PATJ: variants seen among roughly 807,000 people sequenced by gnomAD.
The protein encoded by PATJ is PATJ crumbs cell polarity complex component, also known as inaD-like protein.
PATJ carries 190 observed loss-of-function variants against 224.9 expected under a neutral mutation model. That is an observed-to-expected ratio of 0.84 (90% CI 0.75 to 0.95). The LOEUF (loss-of-function observed/expected upper bound fraction) is 0.95. Among genes scored for constraint, PATJ ranks in the 40% least tolerant of loss-of-function variants. The probability of loss-of-function intolerance (pLI) is 0.00; values close to 1 mark genes in which losing one functional copy is unlikely to be tolerated. For missense variants in PATJ, 2,121 were observed against 2,270.3 expected (o/e 0.93, Z 1.34); for synonymous variants, 769 against 820.3 (o/e 0.94, Z 1.07).
intron 30 of PATJ, among the ~76,000 whole-genome samples, chr1:62,046,642 C>G (rs189837882): frequency 6.6e-6 from 1 of 152,262 alleles, no homozygotes; most frequent in Admixed American, 6.5e-5. Context: ...GAGATCAGTT[C>G]TGTACATGCA....
chr1:62,071,295 T>A (rs1399335310), intron 31 of PATJ, among the ~76,000 whole-genome samples: 2 of 152,188 alleles, frequency 1.3e-5, no homozygotes, highest in Non-Finnish European at 2.9e-5. Context: ...CATAGCCCAA[T>A]TCCATTTACT....
intron 29 of PATJ, among the ~76,000 whole-genome samples, chr1:62,027,602 AT>A (rs1224009654): frequency 7.9e-6 from 1 of 127,388 alleles, no homozygotes; most frequent in Non-Finnish European, 1.7e-5. Context: ...ACAGGTTTTA[AT>A]TTCTTCATAA....
intron 25 of PATJ, 76 bp downstream of exon 25, chr1:61,908,558 A>G (rs926370252): frequency 2.4e-6 from 2 of 842,128 alleles, no homozygotes; most frequent in Non-Finnish European, 3.9e-6. Context: ...GCCTCTAAGT[A>G]TTTTCCACAT....
intron 28 of PATJ, among the ~76,000 whole-genome samples, chr1:62,007,396 A>G (rs781220067): frequency 2.0e-5 from 3 of 152,274 alleles, no homozygotes; most frequent in Admixed American, 1.3e-4. Context: ...GGTCAAGAGC[A>G]TAGAAAGCTC....
At position 61,766,388 on chromosome 1, in the gene PATJ, A is replaced by G. The variant is rs767290853; in HGVS notation, c.299A>G (p.Asn100Ser). ...AATGGAAATGTCCACAGGCCCTCTA[A>G]TAACTCGACTGTATCTGGGTTATTT... ...ITNGNVHRPS[N>S]NSTVSGLFPW... Residue 100 changes from asparagine to serine, a missense_variant, in exon 4 of 44, where the codon AAT becomes AGT. Transcript: ENST00000642238. The G allele has an allele frequency of 6.2e-7, 1 of 1,612,686 alleles. No individual in the cohort carries two copies. The highest frequency in any genetic ancestry group is 8.5e-7 in the Non-Finnish European group (1 of 1,179,358).
chr1:62,040,186 GCAACCT>G (rs1196558720), intron 30 of PATJ, among the ~76,000 whole-genome samples: 2 of 149,058 alleles, frequency 1.3e-5, no homozygotes, highest in African/African-American at 5.0e-5. Flanking sequence ...TCGGCTCTCT[GCAACCT>G]CAGCCTCTCG....
At chr1:61,948,010 T>C (rs554862711) in intron 27 of PATJ, among the ~76,000 whole-genome samples, 1 of 152,298 alleles carries the variant, frequency 6.6e-6, no homozygotes, top group East Asian at 1.9e-4. Flanking sequence ...TGGCTAGCCA[T>C]ATGTAGAAAG....
In PATJ at chr1:62,086,157, T is replaced by G. The variant is rs1414745516; in HGVS notation, c.4377+1509T>G. Among the ~76,000 whole-genome samples, 1 of 152,096 alleles carries G rather than the reference T, an allele frequency of 6.6e-6. No homozygotes were observed. The highest frequency in any genetic ancestry group is 1.5e-5 in the Non-Finnish European group (1 of 68,030). Reference sequence around the variant, plus strand: ...TTATTCAATACCTTTTGTTTATCACTGCTCAGTAGCGCCATTAAAATGAAA... The same window carrying G: ...TTATTCAATACCTTTTGTTTATCACGGCTCAGTAGCGCCATTAAAATGAAA... On this transcript the variant is annotated intron_variant, in intron 33 of 43. Transcript: ENST00000642238. This position sits in a 1 kb window ranked among gnomAD's most constrained non-coding sequence, Gnocchi z 4.0.
rs138264858 is a variant in PATJ at position 61,907,957 on chromosome 1, ATTTAC to A, written c.3382-412_3382-408del. Among the ~76,000 whole-genome samples, 534 of 152,308 alleles carry A rather than the reference ATTTAC, an allele frequency of 3.5e-3. 3 individuals carry two copies. Among genetic ancestry groups the A allele is most frequent in the African/African-American group, 0.012 (507 of 41,554 alleles). On this transcript the variant is annotated intron_variant, in intron 24 of 43. Coordinates refer to ENST00000642238, the MANE Select transcript of PATJ (RefSeq NM_001350145.3). ...AACTACTCAATTGTGATAACAAGCA[ATTTAC>A]TTAAAATATTATGCCTCTGAGCTTA...
chr1:61,764,066 G>C lies in PATJ; in HGVS notation c.189+887G>C, dbSNP rs187835634. Among the ~76,000 whole-genome samples, 11 of 150,792 alleles carry C rather than the reference G, an allele frequency of 7.3e-5. No individual in the cohort carries two copies. The East Asian group carries it at 2.0e-3, about 27-fold the overall frequency. On this transcript the variant is annotated intron_variant, in intron 3 of 43. Coordinates refer to ENST00000642238, the MANE Select transcript of PATJ (RefSeq NM_001350145.3). The stretch of plus-strand genomic sequence containing the variant: ...GTAGAGACGGGGTTTCACTGTGTTA[G>C]CCAGGATGGTCTGTATCTCCTGACC...
At chr1:61,831,809 C>G (rs1659372426) in intron 16 of PATJ, among the ~76,000 whole-genome samples, 1 of 152,224 alleles carries the variant, frequency 6.6e-6, no homozygotes, top group African/African-American at 2.4e-5. Flanking sequence ...TACCATTCAA[C>G]CCAGCAGTCC....
chr1:62,033,056 T>C (rs1323321211), intron 29 of PATJ, among the ~76,000 whole-genome samples: 1 of 152,156 alleles, frequency 6.6e-6, no homozygotes, highest in East Asian at 1.9e-4. Context: ...GTGGGGATTA[T>C]GGGGACTACG....
chr1:61,884,159 T>A, intron 21 of PATJ, 78 bp from the exon 22 acceptor site: 1 of 1,039,062 alleles, frequency 9.6e-7, no homozygotes. Flanking sequence ...CCATAGTAGG[T>A]GCCCATACCT....
At chr1:61,826,184 T>C (rs1658216780) in intron 15 of PATJ, among the ~76,000 whole-genome samples, 3 of 152,184 alleles carry the variant, frequency 2.0e-5, no homozygotes, top group Non-Finnish European at 1.5e-5. Flanking sequence ...TCTGACTTGA[T>C]GGCAAAGTGC....
chr1:61,920,264 A>G (rs1454157040), intron 26 of PATJ, among the ~76,000 whole-genome samples: 1 of 152,088 alleles, frequency 6.6e-6, no homozygotes, highest in Non-Finnish European at 1.5e-5. Flanking sequence ...TCCCCACCCA[A>G]ATCTCACCTT....
intron 24 of PATJ, among the ~76,000 whole-genome samples, chr1:61,905,201 G>C (rs2245512): frequency 0.75 from 114,572 of 152,180 alleles, 43,384 homozygotes; most frequent in East Asian, 1. Flanking sequence ...GCAGATTTCA[G>C]TGTCTGGTGT....
intron 1 of PATJ, among the ~76,000 whole-genome samples, chr1:61,750,221 C>G (rs1645244524): frequency 6.6e-6 from 1 of 152,108 alleles, no homozygotes; most frequent in South Asian, 2.1e-4. Context: ...CTCTTAGAAC[C>G]AAAGCAGACC....
intron 21 of PATJ, among the ~76,000 whole-genome samples, chr1:61,879,859 GAT>G (rs1491291312): frequency 6.9e-6 from 1 of 145,582 alleles, no homozygotes. Context: ...TTTCTTTTTA[GAT>G]AGAGTCTCAC....
Position 62,114,229 on chromosome 1 carries a change from G to A in PATJ, c.4638G>A (p.Leu1546=), listed in dbSNP as rs79722924. The change falls in exon 35 of 44, where the codon CTG becomes CTA. Residue 1546 remains leucine, a synonymous_variant. Transcript: ENST00000642238. The part of the protein sequence containing the change: ...LQKKAGRGLG[L]SIVGKRNGSG... Reference sequence around the variant, plus strand: ...AGAAAGCTGGCCGGGGCCTGGGCCTGAGCATCGTTGGGAAACGGTAAAGAC... The same window carrying A: ...AGAAAGCTGGCCGGGGCCTGGGCCTAAGCATCGTTGGGAAACGGTAAAGAC... 1,783 of 1,614,046 alleles carry A rather than the reference G, an allele frequency of 1.1e-3. 23 individuals are homozygous for A. The African/African-American group carries it at 0.021, about 19-fold the overall frequency.
Sources: allele counts gnomAD v4.1 joint callset (sites outside exome capture counted in the v4.1 genomes callset), GRCh38; gene constraint gnomAD v4.1.1; non-coding constraint Gnocchi (gnomAD v3.1); transcripts MANE v1.5; gene names NCBI Gene and HGNC (gene_info 2026-07-23, HGNC 2026-07-21).